KCNA2: variants seen among roughly 807,000 people sequenced by gnomAD.
KCNA2 encodes potassium channel, voltage gated shaker related subfamily A, member 2.
KCNA2 carries 11 observed loss-of-function variants against 33.4 expected under a neutral mutation model. That is an observed-to-expected ratio of 0.33 (90% CI 0.21 to 0.55). The LOEUF is 0.55. KCNA2 is among the 20% of genes least tolerant of loss of function. The probability of loss-of-function intolerance (pLI) is 0.93; values close to 1 mark genes in which losing one functional copy is unlikely to be tolerated. For missense variants in KCNA2, 291 were observed against 621.6 expected, an observed-to-expected ratio of 0.47 and a Z score of 5.66; for synonymous variants, 222 against 231.3, an observed-to-expected ratio of 0.96 and a Z score of 0.37.
chr1:110,615,723 G>A (rs535522309), intron 1 of KCNA2, among the ~76,000 whole-genome samples: 9 of 152,316 alleles, frequency 5.9e-5, no homozygotes, highest in African/African-American at 2.2e-4. Context: ...GGCATTCCTG[G>A]TGTTGCAGAA....
At chr1:110,612,556 G>A (rs956406992) in intron 1 of KCNA2, among the ~76,000 whole-genome samples, 8 of 151,998 alleles carry the variant, frequency 5.3e-5, no homozygotes, top group Non-Finnish European at 7.4e-5. Flanking sequence ...TCCCCACGCC[G>A]CCCTGGTTCA....
Position 110,596,783 on chromosome 1 carries a change from C to T in KCNA2, c.*6500G>A. On this transcript the variant is annotated 3_prime_UTR_variant, in exon 3 of 3. Coordinates refer to ENST00000316361, the MANE Select transcript of KCNA2 (RefSeq NM_004974.4). ...AAATTGCAAAGCAATCAGGATGTTC[C>T]TGTCCCTGAGGTTTCCCCATCAGTT... The T allele has an allele frequency of 1.0e-6, 1 of 985,458 alleles. No individual in the cohort carries two copies. Among genetic ancestry groups the T allele is most frequent in the African/African-American group, 1.7e-5 (1 of 57,354 alleles). 61.0% of individuals were successfully genotyped at this position (985,458 alleles called of 1,614,324 possible).
In KCNA2 at chr1:110,594,125, G is replaced by A; in HGVS notation, c.*9158C>T. On this transcript the variant is annotated 3_prime_UTR_variant, in exon 3 of 3. Transcript: ENST00000316361. ...TTCCTTCTGCTATTGATCCCAAGGA[G>A]GCTTATTTATCTACCTCTTTGAGTT... The A allele has an allele frequency of 2.2e-6, 3 of 1,378,860 alleles. 1 individual carries two copies. The highest frequency in any genetic ancestry group is 2.8e-5 in the East Asian group (1 of 35,478). 85.4% of individuals were successfully genotyped at this position (1,378,860 alleles called of 1,614,324 possible). A position where few individuals can be genotyped will look rare whatever the true frequency, so the allele number is the denominator to read the frequency against.
Position 110,594,603 on chromosome 1 carries a change from G to C in KCNA2, c.*8680C>G, listed in dbSNP as rs1649016933. ...GGGGTATTGTTTGCTCAGCAGGCTA[G>C]AGCTTGATCATGGGACTTTCCAGCT... On this transcript the variant is annotated 3_prime_UTR_variant, in exon 3 of 3. Transcript: ENST00000316361. 5 of 985,422 alleles carry C rather than the reference G, an allele frequency of 5.1e-6. No homozygotes were observed. Among genetic ancestry groups the C allele is most frequent in the African/African-American group, 1.7e-5 (1 of 57,344 alleles). 61.0% of individuals were successfully genotyped at this position (985,422 alleles called of 1,614,324 possible). A position where few individuals can be genotyped will look rare whatever the true frequency, so the allele number is the denominator to read the frequency against.
chr1:110,599,596 A>G lies in KCNA2; in HGVS notation c.*3687T>C. Reference sequence around the variant, plus strand: ...GTAAAGGTGGCTCATTTTAAGAGACAGGTCTCTATAGGGTCTCAACTTCCT... The same window carrying G: ...GTAAAGGTGGCTCATTTTAAGAGACGGGTCTCTATAGGGTCTCAACTTCCT... On this transcript the variant is annotated 3_prime_UTR_variant, in exon 3 of 3. Coordinates refer to ENST00000316361, the MANE Select transcript of KCNA2 (RefSeq NM_004974.4). The G allele has an allele frequency of 2.0e-6, 2 of 985,456 alleles. No individual in the cohort carries two copies. Among genetic ancestry groups the G allele is most frequent in the African/African-American group, 1.7e-5 (1 of 57,378 alleles). The allele number at this position is 985,456 out of a possible 1,614,324, so 61.0% of individuals were successfully genotyped here.
intron 1 of KCNA2, chr1:110,631,289 A>T (rs1285832258): frequency 2.6e-5 from 4 of 152,378 alleles, no homozygotes. Context: ...GCACCCCAGC[A>T]ATGGCCTACC....
chr1:110,618,706 C>T (rs1440342278), intron 1 of KCNA2, among the ~76,000 whole-genome samples: 2 of 152,028 alleles, frequency 1.3e-5, no homozygotes, highest in Admixed American at 6.6e-5. Context: ...CCTTCCCATG[C>T]CCCCACACCT....
chr1:110,610,140 G>T (rs1649819489), upstream of KCNA2, among the ~76,000 whole-genome samples: 1 of 152,202 alleles, frequency 6.6e-6, no homozygotes, highest in South Asian at 2.1e-4. Flanking sequence ...CCTTTGGTTT[G>T]GTTTCCTGCT....
rs1303022676 is a variant in KCNA2, at chr1:110,601,783, T to C, written c.*1500A>G. On this transcript the variant is annotated 3_prime_UTR_variant, in exon 3 of 3. Transcript: ENST00000316361. ...ACCTGAACTCCAGAAAATGAATATA[T>C]ATATATATATATGTGTGTGTGTGTG... is the stretch of plus-strand genomic sequence containing the variant. 2 of 1,101,120 alleles carry C rather than the reference T, an allele frequency of 1.8e-6. No homozygotes were observed. The highest frequency in any genetic ancestry group is 2.2e-6 in the Non-Finnish European group (2 of 901,604). The allele number at this position is 1,101,120 out of a possible 1,614,324, so 68.2% of individuals were successfully genotyped here.
rs35728918 is a variant in KCNA2 at position 110,601,794 on chromosome 1, ATG to A, written c.*1487_*1488del. ...AGAAAATGAATATATATATATATAT[ATG>A]TGTGTGTGTGTGTGTGTGTGTGTGT... On this transcript the variant is annotated 3_prime_UTR_variant, in exon 3 of 3. Coordinates refer to ENST00000316361, the MANE Select transcript of KCNA2 (RefSeq NM_004974.4). 0.063 allele frequency: 50,591 copies of A among 803,640 alleles called. 508 individuals carry two copies. Among genetic ancestry groups the A allele is most frequent in the African/African-American group, 0.16 (7,547 of 48,030 alleles). 49.8% of individuals were successfully genotyped at this position (803,640 alleles called of 1,614,324 possible).
At chr1:110,607,226 G>C (rs1466625676), upstream of KCNA2, 1 of 152,162 alleles carries the variant, frequency 6.6e-6, no homozygotes. Context: ...AGCACGCGCC[G>C]CGCAACGCCC....
Position 110,597,770 on chromosome 1 carries a change from T to A in KCNA2, c.*5513A>T, listed in dbSNP as rs117270973. The A allele has an allele frequency of 7.2e-4, 710 of 985,246 alleles. 11 individuals carry two copies. The East Asian group carries it at 0.05, about 70-fold the overall frequency. 61.0% of individuals were successfully genotyped at this position (985,246 alleles called of 1,614,324 possible). On this transcript the variant is annotated 3_prime_UTR_variant, in exon 3 of 3. Transcript: ENST00000316361. ...GAGAGCAAGATTTTGAAAGAGCTAT[T>A]GCTAAAGAAAACAGTCACTATTTAT...
intron 1 of KCNA2, among the ~76,000 whole-genome samples, chr1:110,626,742 A>G (rs1214968557): frequency 6.6e-6 from 1 of 152,120 alleles, no homozygotes; most frequent in Admixed American, 6.5e-5. Context: ...TCCCAGCTTT[A>G]TCTCAGCCCT....
rs942117535 is a variant in KCNA2, at chr1:110,597,574, T to C, written c.*5709A>G. The C allele has an allele frequency of 2.0e-6, 2 of 985,298 alleles. No individual in the cohort carries two copies. Among genetic ancestry groups the C allele is most frequent in the African/African-American group, 3.5e-5 (2 of 57,232 alleles). 61.0% of individuals were successfully genotyped at this position (985,298 alleles called of 1,614,324 possible). On this transcript the variant is annotated 3_prime_UTR_variant, in exon 3 of 3. Coordinates refer to ENST00000316361, the MANE Select transcript of KCNA2 (RefSeq NM_004974.4). ...CCCTCTCACAGGCCTTCCTTGTGCA[T>C]ACACTGCATCTTAGCATATGTGTCC...
rs749482104 is a variant in KCNA2 at position 110,603,709 on chromosome 1, G to A, written c.1074C>T (p.Phe358=). 9.9e-6 allele frequency: 16 copies of A among 1,613,918 alleles called. No individual in the cohort carries two copies. The South Asian group carries it at 1.3e-4, about 13-fold the overall frequency. The change falls in exon 3 of 3, where the codon TTC becomes TTT. Residue 358 remains phenylalanine, a synonymous_variant. Transcript: ENST00000316361. The surrounding 1 kb of genome is among the most constrained non-coding windows in gnomAD (Gnocchi z 5.7). ...FAEADERESQ[F]PSIPDAFWWA... is the part of the protein sequence containing the mutation. ...ACCAGAAGGCATCTGGGATGCTGGG[G>A]AACTGGGACTCTCGCTCATCGGCCT...
intron 1 of KCNA2, among the ~76,000 whole-genome samples, chr1:110,616,989 T>C (rs1422844135): frequency 6.6e-6 from 1 of 152,166 alleles, no homozygotes; most frequent in Non-Finnish European, 1.5e-5. Context: ...AGGATGGAAA[T>C]TGAGAGATGT....
chr1:110,597,490 G>T lies in KCNA2; in HGVS notation c.*5793C>A. On this transcript the variant is annotated 3_prime_UTR_variant, in exon 3 of 3. Transcript: ENST00000316361. ...AGAAATGGGGAGACAGAGGGAGAGGGGACAGAGACACACATGGAGACAGAG... is the reference window on the plus strand; with the variant it reads ...AGAAATGGGGAGACAGAGGGAGAGGTGACAGAGACACACATGGAGACAGAG... 1 of 985,324 alleles carries T rather than the reference G, an allele frequency of 1.0e-6. No homozygotes were observed. Among genetic ancestry groups the T allele is most frequent in the East Asian group, 1.1e-4 (1 of 8,808 alleles). The allele number at this position is 985,324 out of a possible 1,614,324, so 61.0% of individuals were successfully genotyped here.
chr1:110,606,871 A>G (rs1358526766), upstream of KCNA2: 3 of 152,430 alleles, frequency 2.0e-5, no homozygotes, highest in East Asian at 5.8e-4. Context: ...TGTGCCGAAG[A>G]GGCGAATGCA....
At position 110,596,369 on chromosome 1, in the gene KCNA2, A is replaced by G. The variant is rs1216486665; in HGVS notation, c.*6914T>C. 2 of 348,102 alleles carry G rather than the reference A, an allele frequency of 5.7e-6. No individual in the cohort carries two copies. Among genetic ancestry groups the G allele is most frequent in the Non-Finnish European group, 8.1e-6 (2 of 248,230 alleles). The allele number at this position is 348,102 out of a possible 1,614,324, so 21.6% of individuals were successfully genotyped here. On this transcript the variant is annotated 3_prime_UTR_variant, in exon 3 of 3. Coordinates refer to ENST00000316361, the MANE Select transcript of KCNA2 (RefSeq NM_004974.4). The stretch of plus-strand genomic sequence containing the variant: ...TATATATACACACATAAATATATGT[A>G]TATATGGAAAACCTCTAAAAACTCA...
Sources: gnomAD v4.1 joint callset for allele counts (sites outside exome capture counted in the v4.1 genomes callset) on GRCh38, gnomAD v4.1.1 for gene constraint, Gnocchi (gnomAD v3.1) non-coding constraint, MANE v1.5 for transcripts, NCBI Gene and HGNC (gene_info 2026-07-23, HGNC 2026-07-21) for gene names.